The following MAGI2 variants were observed in gnomAD, a reference collection of about 807,000 sequenced individuals.
MAGI2 encodes the protein membrane associated guanylate kinase, WW and PDZ domain containing 2.
Under a neutral mutation model 133.3 loss-of-function variants are expected in MAGI2, and 35 were observed. That is an observed-to-expected ratio of 0.26 (90% CI 0.20 to 0.35). The LOEUF is 0.35. Among genes scored for constraint, MAGI2 ranks in the 10% least tolerant of loss-of-function variants. The probability of loss-of-function intolerance (pLI) is 1.00; values close to 1 mark genes in which losing one functional copy is unlikely to be tolerated. For synonymous variants in MAGI2, 729 were observed against 710.6 expected (o/e 1.03, Z -0.41); for missense variants, 1,636 against 1,863.4 (o/e 0.88, Z 2.25).
At chr7:78,510,229 G>T (rs1795452307) in intron 4 of MAGI2, among the ~76,000 whole-genome samples, 1 of 152,152 alleles carries the variant, frequency 6.6e-6, no homozygotes, top group African/African-American at 2.4e-5. Context: ...CTTGTGTCAG[G>T]CCACCTAGGT....
At chr7:78,603,438 G>C (rs530800922) in intron 3 of MAGI2, among the ~76,000 whole-genome samples, 1 of 152,280 alleles carries the variant, frequency 6.6e-6, no homozygotes, top group South Asian at 2.1e-4. Flanking sequence ...CTGTATGAAG[G>C]CCACATTGAA....
intron 6 of MAGI2, among the ~76,000 whole-genome samples, chr7:78,410,076 C>T (rs1797732765): frequency 1.3e-5 from 2 of 151,886 alleles, no homozygotes; most frequent in Non-Finnish European, 1.5e-5. Flanking sequence ...CCACGACCCC[C>T]GGGAAAGCTA....
intron 2 of MAGI2, among the ~76,000 whole-genome samples, chr7:78,775,565 C>G (rs1825929450): frequency 6.6e-6 from 1 of 152,002 alleles, no homozygotes; most frequent in African/African-American, 2.4e-5. Flanking sequence ...TCTATCTATA[C>G]TTTATCTATT....
intron 6 of MAGI2, chr7:78,486,503 A>T (rs1031120228): frequency 5.3e-6 from 1 of 188,942 alleles, no homozygotes; most frequent in Non-Finnish European, 1.1e-5. Context: ...GTTATGTGAA[A>T]GTATACAAAA....
chr7:78,088,855 C>T (rs1417445922), intron 20 of MAGI2, among the ~76,000 whole-genome samples: 1 of 152,218 alleles, frequency 6.6e-6, no homozygotes, highest in African/African-American at 2.4e-5. Flanking sequence ...TGCAGATGTG[C>T]TTACCTTAAG....
chr7:78,885,606 A>C (rs1796200924), intron 2 of MAGI2, among the ~76,000 whole-genome samples: 1 of 149,110 alleles, frequency 6.7e-6, no homozygotes, highest in Non-Finnish European at 1.5e-5. Flanking sequence ...AGGGCAACTG[A>C]GCATCCTTTA....
chr7:78,928,436 A>G (rs2151650511), intron 2 of MAGI2, among the ~76,000 whole-genome samples: 1 of 152,080 alleles, frequency 6.6e-6, no homozygotes, highest in South Asian at 2.1e-4. Context: ...AACTGGAGAT[A>G]CCATGTCAAC....
intron 1 of MAGI2, among the ~76,000 whole-genome samples, chr7:79,138,139 T>G (rs1007362892): frequency 2.0e-5 from 3 of 152,198 alleles, no homozygotes; most frequent in South Asian, 2.1e-4. Flanking sequence ...CCCATATGAC[T>G]CATTTCCGAC....
chr7:79,017,874 A>G (rs191337499), intron 1 of MAGI2, among the ~76,000 whole-genome samples: 78 of 152,284 alleles, frequency 5.1e-4, no homozygotes, highest in Non-Finnish European at 9.6e-4. Flanking sequence ...TCAGTCAAAG[A>G]AAAAGGAAAA....
chr7:78,535,786 G>A (rs1182092534), intron 3 of MAGI2, among the ~76,000 whole-genome samples: 1 of 151,986 alleles, frequency 6.6e-6, no homozygotes. Context: ...TGAGATCAGT[G>A]CTTGAGATAT....
chr7:79,101,725 A>C, intron 1 of MAGI2, among the ~76,000 whole-genome samples: 1 of 134,476 alleles, frequency 7.4e-6, no homozygotes, highest in East Asian at 2.2e-4. Flanking sequence ...CTCTGTCACA[A>C]AAAAAAAAAA....
chr7:78,188,710 G>A (rs1464795743), intron 12 of MAGI2, among the ~76,000 whole-genome samples: 1 of 152,190 alleles, frequency 6.6e-6, no homozygotes, highest in Non-Finnish European at 1.5e-5. Flanking sequence ...GTGTTCACAT[G>A]TGAGGGTGTT....
chr7:78,868,331 T>G (rs1234419134), intron 2 of MAGI2, among the ~76,000 whole-genome samples: 1 of 152,208 alleles, frequency 6.6e-6, no homozygotes, highest in Admixed American at 6.5e-5. Flanking sequence ...CTACTATATG[T>G]ACTTTATAAA....
At chr7:78,924,032 G>A (rs556604755) in intron 2 of MAGI2, among the ~76,000 whole-genome samples, 1 of 152,214 alleles carries the variant, frequency 6.6e-6, no homozygotes, top group East Asian at 1.9e-4. Flanking sequence ...TGTGATTTTT[G>A]TATATTGATT....
chr7:79,344,498 G>A (rs987870902), intron 1 of MAGI2, among the ~76,000 whole-genome samples: 2 of 152,006 alleles, frequency 1.3e-5, no homozygotes, highest in Non-Finnish European at 2.9e-5. Flanking sequence ...TAGAGGAGGT[G>A]GCATTTCAGT....
intron 1 of MAGI2, among the ~76,000 whole-genome samples, chr7:79,058,336 T>C (rs1404154069): frequency 1.3e-5 from 2 of 152,088 alleles, no homozygotes; most frequent in African/African-American, 2.4e-5. Context: ...ATACACTTAA[T>C]AGAAAACTCT....
intron 2 of MAGI2, among the ~76,000 whole-genome samples, chr7:78,642,979 G>C (rs1268465523): frequency 6.6e-6 from 1 of 152,108 alleles, no homozygotes; most frequent in Non-Finnish European, 1.5e-5. Context: ...AATGGGATGT[G>C]GGCAGCCACC....
intron 9 of MAGI2, among the ~76,000 whole-genome samples, chr7:78,313,368 C>T (rs1798883934): frequency 1.3e-5 from 2 of 152,004 alleles, no homozygotes; most frequent in African/African-American, 2.4e-5. Context: ...AAAATTTCAT[C>T]TTGGAGGAAA....
chr7:78,579,467 A>G (rs144596130), intron 3 of MAGI2, among the ~76,000 whole-genome samples: 64 of 152,252 alleles, frequency 4.2e-4, no homozygotes, highest in Non-Finnish European at 6.9e-4. Context: ...ACAAAAACAA[A>G]AGGTATCCCA....
Sources: allele counts gnomAD v4.1 joint callset (sites outside exome capture counted in the v4.1 genomes callset), GRCh38; gene constraint gnomAD v4.1.1; transcripts MANE v1.5; gene names NCBI Gene and HGNC (gene_info 2026-07-23, HGNC 2026-07-21).